TBC1D22A: variants seen among roughly 807,000 people sequenced by gnomAD.
TBC1D22A encodes the protein putative GTPase activator.
In TBC1D22A, 38 loss-of-function variants were observed where a neutral mutation model predicts 60.2. That is an observed-to-expected ratio of 0.63 (90% confidence interval 0.49 to 0.83). TBC1D22A has a LOEUF of 0.83. TBC1D22A is among the 40% of genes least tolerant of loss of function. TBC1D22A has a pLI of 0.00. For synonymous variants in TBC1D22A, 302 were observed against 281.7 expected, an observed-to-expected ratio of 1.07 and a Z score of -0.72; for missense variants, 628 against 701.0, an observed-to-expected ratio of 0.90 and a Z score of 1.18.
At chr22:47,018,792 G>T (rs1288627525) in intron 10 of TBC1D22A, among the ~76,000 whole-genome samples, 3 of 152,158 alleles carry the variant, frequency 2.0e-5, no homozygotes, top group Admixed American at 6.5e-5. Flanking sequence ...GAAAATGGAG[G>T]CGACTGGGAT....
chr22:47,168,665 A>G (rs1228537016), intron 12 of TBC1D22A, among the ~76,000 whole-genome samples: 4 of 152,014 alleles, frequency 2.6e-5, no homozygotes, highest in Non-Finnish European at 5.9e-5. Context: ...GAAGGAACCC[A>G]GGGTCTGCAG....
chr22:46,892,210 C>T (rs117958986), intron 6 of TBC1D22A, among the ~76,000 whole-genome samples: 2 of 152,108 alleles, frequency 1.3e-5, no homozygotes, highest in Non-Finnish European at 2.9e-5. Flanking sequence ...CCTCTGCAAA[C>T]CCTGCTTCTA....
chr22:47,119,517 G>A (rs1318268839), intron 12 of TBC1D22A, among the ~76,000 whole-genome samples: 11 of 146,212 alleles, frequency 7.5e-5, no homozygotes, highest in African/African-American at 2.9e-4. Flanking sequence ...TTTTTTTTGA[G>A]ACGAAGTCTC....
At chr22:46,862,856 A>G (rs912824893) in intron 4 of TBC1D22A, among the ~76,000 whole-genome samples, 6 of 152,170 alleles carry the variant, frequency 3.9e-5, no homozygotes, top group Non-Finnish European at 8.8e-5. Context: ...ACTGGGGAGC[A>G]TGGGAGGAAA....
chr22:47,098,157 A>C (rs2065257052), intron 11 of TBC1D22A, among the ~76,000 whole-genome samples: 1 of 152,174 alleles, frequency 6.6e-6, no homozygotes. Flanking sequence ...GGTCATTTCC[A>C]AGGCACGTGG....
chr22:47,079,047 G>T (rs1222304282), intron 11 of TBC1D22A, among the ~76,000 whole-genome samples: 1 of 146,968 alleles, frequency 6.8e-6, no homozygotes, highest in African/African-American at 2.5e-5. Context: ...CTTGGGGCTT[G>T]TTGTCATTGA....
intron 12 of TBC1D22A, among the ~76,000 whole-genome samples, 192 bp downstream of exon 12, chr22:47,111,795 G>A (rs1211749723): frequency 6.6e-6 from 1 of 152,224 alleles, no homozygotes; most frequent in Admixed American, 6.5e-5. Context: ...CGTGGTCACA[G>A]CAGTGGAAAC....
At chr22:47,084,539 C>T (rs779919016) in intron 11 of TBC1D22A, among the ~76,000 whole-genome samples, 3 of 152,154 alleles carry the variant, frequency 2.0e-5, no homozygotes, top group Non-Finnish European at 4.4e-5. Flanking sequence ...CAGTTGAGAG[C>T]CACTGCTCTA....
At chr22:47,000,713 A>T (rs767447425) in intron 10 of TBC1D22A, among the ~76,000 whole-genome samples, 12 of 152,154 alleles carry the variant, frequency 7.9e-5, no homozygotes, top group Non-Finnish European at 1.6e-4. Flanking sequence ...ATTTGGAGTG[A>T]AAGAAAAAGG....
intron 11 of TBC1D22A, among the ~76,000 whole-genome samples, chr22:47,066,690 A>G (rs1223658551): frequency 1.3e-5 from 2 of 152,188 alleles, no homozygotes; most frequent in Admixed American, 6.5e-5. Flanking sequence ...GGGAGGCAGC[A>G]CTTGCCCAGG....
intron 8 of TBC1D22A, among the ~76,000 whole-genome samples, chr22:46,941,841 T>C (rs2072168579): frequency 6.8e-6 from 1 of 146,994 alleles, no homozygotes; most frequent in Non-Finnish European, 1.5e-5. Flanking sequence ...AATAATAGAA[T>C]ATATGTATAG....
chr22:47,134,970 C>T (rs1470750513), intron 12 of TBC1D22A, among the ~76,000 whole-genome samples: 7 of 152,254 alleles, frequency 4.6e-5, no homozygotes, highest in Non-Finnish European at 8.8e-5. Flanking sequence ...CCACCACCTC[C>T]ATGCCTGAAG....
intron 12 of TBC1D22A, among the ~76,000 whole-genome samples, chr22:47,155,722 CAG>C (rs1176749853): frequency 6.6e-6 from 1 of 152,256 alleles, no homozygotes; most frequent in Non-Finnish European, 1.5e-5. Context: ...GCTCACAAGA[CAG>C]AGGATGGGCT....
intron 9 of TBC1D22A, among the ~76,000 whole-genome samples, chr22:46,976,195 A>G (rs1317466808): frequency 6.6e-6 from 1 of 152,238 alleles, no homozygotes; most frequent in African/African-American, 2.4e-5. Context: ...CTGCTGTACA[A>G]TGAAATCGAT....
chr22:46,972,713 C>T (rs1337250402), intron 8 of TBC1D22A, among the ~76,000 whole-genome samples: 2 of 152,102 alleles, frequency 1.3e-5, no homozygotes, highest in East Asian at 1.9e-4. Context: ...CTAGCGGTGA[C>T]GCTTGTGACC....
chr22:46,941,364 A>AAT (rs1179127587), intron 8 of TBC1D22A, among the ~76,000 whole-genome samples: 1 of 148,844 alleles, frequency 6.7e-6, no homozygotes, highest in Non-Finnish European at 1.5e-5. Context: ...ATATATACAG[A>AAT]ATATATATAC....
chr22:46,805,907 C>T (rs1437192248), intron 4 of TBC1D22A, among the ~76,000 whole-genome samples: 1 of 151,354 alleles, frequency 6.6e-6, no homozygotes, highest in African/African-American at 2.4e-5. Flanking sequence ...GACTGGAGTG[C>T]AGTGGCTTCA....
chr22:47,092,809 A>G (rs28546191), intron 11 of TBC1D22A, among the ~76,000 whole-genome samples: 2 of 152,250 alleles, frequency 1.3e-5, no homozygotes, highest in African/African-American at 4.8e-5. Flanking sequence ...AAAAATAATC[A>G]GGGCTCACAG....
intron 8 of TBC1D22A, among the ~76,000 whole-genome samples, chr22:46,932,293 G>A (rs1002854388): frequency 7.2e-5 from 11 of 152,200 alleles, no homozygotes; most frequent in South Asian, 2.1e-4. Context: ...TGCTGTGACC[G>A]TTCTCCCGGC....
Sources: gnomAD v4.1 joint callset for allele counts (sites outside exome capture counted in the v4.1 genomes callset) on GRCh38, gnomAD v4.1.1 for gene constraint, MANE v1.5 for transcripts, NCBI Gene and HGNC (gene_info 2026-07-23, HGNC 2026-07-21) for gene names.